ARCN1: variants seen among roughly 807,000 people sequenced by gnomAD.
ARCN1 encodes the protein coatomer subunit delta.
ARCN1 carries 5 observed loss-of-function variants against 60.4 expected under a neutral mutation model. The ratio of observed to expected loss-of-function variants is 0.08; its 90% confidence interval spans 0.04 to 0.17. The LOEUF is 0.17. ARCN1 is among the 10% of genes least tolerant of loss of function. The pLI is 1.00. For synonymous variants in ARCN1, 224 were observed against 220.0 expected, an observed-to-expected ratio of 1.02 and a Z score of -0.16; for missense variants, 464 against 626.5, an observed-to-expected ratio of 0.74 and a Z score of 2.77.
chr11:118,576,060 A>G (rs782103924), intron 1 of ARCN1, among the ~76,000 whole-genome samples: 12 of 151,974 alleles, frequency 7.9e-5, no homozygotes, highest in African/African-American at 2.2e-4. Flanking sequence ...TTTCATGTAA[A>G]CTAACCTCCT....
At chr11:118,578,535 C>T (rs1555074092) in intron 1 of ARCN1, among the ~76,000 whole-genome samples, 4 of 152,156 alleles carry the variant, frequency 2.6e-5, no homozygotes, top group Non-Finnish European at 5.9e-5. Context: ...AGCTATGACT[C>T]TCAACCTTTT....
chr11:118,584,656 C>CT lies in ARCN1; in HGVS notation c.818+15dup. 1.3e-6 allele frequency: 2 copies of CT among 1,577,694 alleles called. No homozygotes were observed. Among genetic ancestry groups the CT allele is most frequent in the Non-Finnish European group, 1.7e-6 (2 of 1,165,924 alleles). ...ATTAATATGGAAAGGTAAGTAGGAA[C>CT]TTTGAGTAAGAATTCAAGCTTTGAA... On this transcript the variant is annotated intron_variant, in intron 5 of 9. Transcript: ENST00000264028.
chr11:118,583,419 C>A, intron 3 of ARCN1, 61 bp downstream of exon 3: 2 of 1,491,152 alleles, frequency 1.3e-6, no homozygotes, highest in Non-Finnish European at 1.8e-6. Flanking sequence ...CTTCACTAAT[C>A]TCATTTTCCT....
intron 9 of ARCN1, 115 bp from the exon 10 acceptor site, chr11:118,600,510 C>G: frequency 3.2e-6 from 2 of 631,646 alleles, no homozygotes; most frequent in African/African-American, 1.9e-5. Flanking sequence ...TAGTATTTTA[C>G]AGTTACTTTT....
At chr11:118,574,110 T>C (rs1444736904) in intron 1 of ARCN1, among the ~76,000 whole-genome samples, 1 of 152,208 alleles carries the variant, frequency 6.6e-6, no homozygotes, top group South Asian at 2.1e-4. Context: ...ATATAAAATA[T>C]AACTTTTGCA....
At chr11:118,588,527 G>A (rs188486730) in intron 5 of ARCN1, among the ~76,000 whole-genome samples, 2 of 152,324 alleles carry the variant, frequency 1.3e-5, no homozygotes, top group East Asian at 3.9e-4. Flanking sequence ...ATTGACATAT[G>A]GTTGACAGAT....
At position 118,577,668 on chromosome 11, in the gene ARCN1, TAC is replaced by T; in HGVS notation, c.4-3576_4-3575del. Among the ~76,000 whole-genome samples, 2 of 152,348 alleles carry T rather than the reference TAC, an allele frequency of 1.3e-5. 1 individual carries two copies. The highest frequency in any genetic ancestry group is 4.1e-4 in the South Asian group (2 of 4,830). On this transcript the variant is annotated intron_variant, in intron 1 of 9. Coordinates refer to ENST00000264028, the MANE Select transcript of ARCN1 (RefSeq NM_001655.5). The stretch of plus-strand genomic sequence containing the variant: ...TTACTTAACACATTCTGCCTCATAT[TAC>T]AGTTATTTGTGTTTGTGTCTTATCC...
intron 8 of ARCN1, among the ~76,000 whole-genome samples, chr11:118,597,289 T>G (rs1378936327): frequency 3.9e-5 from 6 of 152,208 alleles, no homozygotes; most frequent in African/African-American, 1.2e-4. Context: ...TCCCCCACTA[T>G]TATCAATCTG....
rs1373706194 is a variant in ARCN1 at position 118,576,397 on chromosome 11, T to A, written c.3+3847T>A. Among the ~76,000 whole-genome samples the A allele has an allele frequency of 3.0e-5, 4 of 133,082 alleles. No homozygotes were observed. In the Admixed American group the frequency reaches 3.4e-4, roughly 11 times the overall value. 87.3% of individuals were successfully genotyped at this position (133,082 alleles called of 152,430 possible). A position where few individuals can be genotyped will look rare whatever the true frequency, so the allele number is the denominator to read the frequency against. On this transcript the variant is annotated intron_variant, in intron 1 of 9. Transcript: ENST00000264028. ...ATCAAGGGCTCTTGCAAGTTCCTTT[T>A]AGATCTGGAATGTTTTTTCCAAAAA...
At position 118,583,173 on chromosome 11, in the gene ARCN1, G is replaced by A. The variant is rs78730658; in HGVS notation, c.268-6G>A. 2.6e-3 allele frequency: 4,269 copies of A among 1,613,728 alleles called. 40 individuals are homozygous for A. In the East Asian group the frequency reaches 0.037, roughly 14 times the overall value. On this transcript the variant is annotated splice_region_variant and splice_polypyrimidine_tract_variant and intron_variant, in intron 2 of 9. Transcript: ENST00000264028. ...ATCTTTCTTTTTTATTGGTGTCCACGCTTAGATCCCTGAATATTGCCGAGC... is the reference window on the plus strand; with the variant it reads ...ATCTTTCTTTTTTATTGGTGTCCACACTTAGATCCCTGAATATTGCCGAGC...
rs2135559938 is a variant in ARCN1, at chr11:118,600,807, C to T, written c.*93C>T. The T allele has an allele frequency of 1.2e-6, 1 of 847,312 alleles. No homozygotes were observed. Among genetic ancestry groups the T allele is most frequent in the East Asian group, 2.6e-5 (1 of 38,558 alleles). 52.5% of individuals were successfully genotyped at this position (847,312 alleles called of 1,614,324 possible). On this transcript the variant is annotated 3_prime_UTR_variant, in exon 10 of 10. Transcript: ENST00000264028. ...GAGTTTTTCCCAGATTTACAAGCCA[C>T]TGGAGACCCCTTTTTTCTGATACAA... is the stretch of plus-strand genomic sequence containing the variant.
intron 1 of ARCN1, 125 bp downstream of exon 1, chr11:118,572,675 C>T (rs903387657): frequency 7.7e-6 from 10 of 1,293,558 alleles, no homozygotes; most frequent in Admixed American, 2.3e-5. Context: ...GCTTTTGCTC[C>T]GGGCTCGGGG....
intron 1 of ARCN1, chr11:118,572,889 C>G (rs1276268564): frequency 2.9e-6 from 1 of 340,912 alleles, no homozygotes; most frequent in African/African-American, 2.1e-5. Flanking sequence ...GACCTCGGAA[C>G]TGATGCTGTC....
intron 4 of ARCN1, 91 bp downstream of exon 4, chr11:118,584,105 TAAAG>T (rs1441234298): frequency 2.5e-5 from 32 of 1,268,846 alleles, no homozygotes; most frequent in Admixed American, 1.3e-4. Flanking sequence ...AAGCTGTAAA[TAAAG>T]AAGGACTTGA....
chr11:118,588,404 G>C (rs1938822496), intron 5 of ARCN1, among the ~76,000 whole-genome samples: 1 of 152,178 alleles, frequency 6.6e-6, no homozygotes, highest in African/African-American at 2.4e-5. Context: ...CCAACATTAT[G>C]TATAATAAGG....
At chr11:118,591,745 T>TG (rs1938915890) in intron 6 of ARCN1, among the ~76,000 whole-genome samples, 1 of 150,440 alleles carries the variant, frequency 6.6e-6, no homozygotes, top group Non-Finnish European at 1.5e-5. Flanking sequence ...TTTGTTTTTT[T>TG]TTTTGTTTTT....
At position 118,601,963 on chromosome 11, in the gene ARCN1, TCA is replaced by T. The variant is rs1939157188; in HGVS notation, c.*1250_*1251del. On this transcript the variant is annotated 3_prime_UTR_variant, in exon 10 of 10. Coordinates refer to ENST00000264028, the MANE Select transcript of ARCN1 (RefSeq NM_001655.5). The stretch of plus-strand genomic sequence containing the variant: ...ACAGTCTGTAATCCATTCACATTCC[TCA>T]GTTTCACCACCTCCCTCTTCCAGAC... 2.0e-6 allele frequency: 1 copy of T among 509,252 alleles called. No homozygotes were observed. The highest frequency in any genetic ancestry group is 1.9e-5 in the African/African-American group (1 of 51,964). 31.5% of individuals were successfully genotyped at this position (509,252 alleles called of 1,614,324 possible).
At position 118,601,056 on chromosome 11, in the gene ARCN1, ATTATTAT is replaced by A. The variant is rs1419603569; in HGVS notation, c.*344_*350del. ...GCTCCTTTATTTTTATTTTATTATT[ATTATTAT>A]TATTATTATTATTTTTTGAGATGGA... is the stretch of plus-strand genomic sequence containing the variant. On this transcript the variant is annotated 3_prime_UTR_variant, in exon 10 of 10. Coordinates refer to ENST00000264028, the MANE Select transcript of ARCN1 (RefSeq NM_001655.5). The A allele has an allele frequency of 6.8e-6, 1 of 147,892 alleles. No homozygotes were observed. The highest frequency in any genetic ancestry group is 1.9e-4 in the East Asian group (1 of 5,148). The allele number at this position is 147,892 out of a possible 1,614,324, so 9.2% of individuals were successfully genotyped here.
At chr11:118,574,137 G>A (rs1430148846) in intron 1 of ARCN1, among the ~76,000 whole-genome samples, 1 of 152,112 alleles carries the variant, frequency 6.6e-6, no homozygotes, top group Non-Finnish European at 1.5e-5. Context: ...TTTGACATGT[G>A]TACGTATACA....
Sources: allele counts gnomAD v4.1 joint callset (sites outside exome capture counted in the v4.1 genomes callset), GRCh38; gene constraint gnomAD v4.1.1; transcripts MANE v1.5; gene names NCBI Gene and HGNC (gene_info 2026-07-23, HGNC 2026-07-21).